The following SOX6 variants were observed in gnomAD, a reference collection of about 807,000 sequenced individuals.
SOX6 encodes SRY-box transcription factor 6.
In SOX6, 11 loss-of-function variants were observed where a neutral mutation model predicts 97.8. The ratio of observed to expected loss-of-function variants is 0.11; its 90% CI spans 0.07 to 0.19. SOX6 has a LOEUF of 0.19. Ranked by LOEUF, SOX6 falls within the 10% of genes least tolerant of loss-of-function variation. The probability of loss-of-function intolerance (pLI) is 1.00; values close to 1 mark genes in which losing one functional copy is unlikely to be tolerated. For missense variants in SOX6, 810 were observed against 1,039.5 expected (o/e 0.78, Z 3.04); for synonymous variants, 360 against 371.4 (o/e 0.97, Z 0.35).
At chr11:16,484,098 T>C (rs1476927055) in intron 4 of SOX6, 3 of 769,920 alleles carry the variant, frequency 3.9e-6, no homozygotes, top group Non-Finnish European at 7.2e-6. Context: ...TTCTCCTGAA[T>C]GAGGTACAGG....
intron 2 of SOX6, among the ~76,000 whole-genome samples, chr11:16,327,347 CT>C (rs1196612069): frequency 2.6e-5 from 4 of 152,018 alleles, no homozygotes. Context: ...TCCAATTGCC[CT>C]TTTTTTCTAT....
chr11:16,374,438 T>A (rs1590168373), intron 1 of SOX6, among the ~76,000 whole-genome samples: 1 of 152,214 alleles, frequency 6.6e-6, no homozygotes, highest in East Asian at 1.9e-4. Context: ...GATAAAATGA[T>A]GGCAATGTAT....
intron 1 of SOX6, among the ~76,000 whole-genome samples, chr11:16,429,075 A>T (rs1473373154): frequency 6.6e-6 from 1 of 152,188 alleles, no homozygotes; most frequent in Non-Finnish European, 1.5e-5. Flanking sequence ...ATATAAAAAA[A>T]GTTCAACGTC....
chr11:16,201,854 C>T (rs1293168032), intron 4 of SOX6, among the ~76,000 whole-genome samples: 5 of 135,224 alleles, frequency 3.7e-5, no homozygotes, highest in South Asian at 2.3e-4. Flanking sequence ...GGGATGGTCT[C>T]GATCTCCTGA....
intron 4 of SOX6, among the ~76,000 whole-genome samples, chr11:16,533,625 G>C (rs1861266488): frequency 6.6e-6 from 1 of 151,954 alleles, no homozygotes; most frequent in African/African-American, 2.4e-5. Context: ...TTTGTCTTCT[G>C]AAAAAGAGTA....
chr11:16,596,917 T>C (rs891574592), intron 4 of SOX6, among the ~76,000 whole-genome samples: 16 of 152,262 alleles, frequency 1.1e-4, no homozygotes, highest in African/African-American at 3.8e-4. Flanking sequence ...AATGCAGCAA[T>C]AATTTGGCTC....
chr11:16,405,006 C>T lies in SOX6; in HGVS notation c.-4-63754G>A, dbSNP rs559654627. Among the ~76,000 whole-genome samples the T allele has an allele frequency of 7.9e-5, 12 of 152,056 alleles. 1 individual carries two copies. In the South Asian group the frequency reaches 1.9e-3, roughly 24 times the overall value. ...TAAAACAGACACTGACAGAAGGACA[C>T]GGATTAGTACTGTAATGATGCATTT... is the stretch of plus-strand genomic sequence containing the variant. On this transcript the variant is annotated intron_variant, in intron 1 of 15. Transcript: ENST00000396356.
At chr11:16,318,165 T>C in intron 3 of SOX6, 1 of 451,612 alleles carries the variant, frequency 2.2e-6, no homozygotes, top group South Asian at 2.3e-5. Context: ...AATTCTCTTG[T>C]TACCTTTTTC....
chr11:16,677,237 C>T (rs1021881425), intron 3 of SOX6, among the ~76,000 whole-genome samples: 3 of 152,048 alleles, frequency 2.0e-5, no homozygotes, highest in Non-Finnish European at 2.9e-5. Context: ...CCATGCTGCT[C>T]CCACTTGTAC....
intron 4 of SOX6, among the ~76,000 whole-genome samples, chr11:16,508,345 C>T (rs1860822669): frequency 6.6e-6 from 1 of 152,080 alleles, no homozygotes; most frequent in African/African-American, 2.4e-5. Context: ...AGCAATCCAG[C>T]TACTAGGTAT....
At chr11:16,543,531 T>C (rs955510489) in intron 4 of SOX6, among the ~76,000 whole-genome samples, 7 of 151,680 alleles carry the variant, frequency 4.6e-5, no homozygotes, top group Non-Finnish European at 8.8e-5. Context: ...CTGAAGAAAA[T>C]ATTTGCAAAT....
chr11:16,566,095 CAAAAAA>C (rs67916329), intron 4 of SOX6, among the ~76,000 whole-genome samples: 2 of 98,814 alleles, frequency 2.0e-5, no homozygotes, highest in Non-Finnish European at 2.2e-5. Context: ...GACTCCGTCT[CAAAAAA>C]AAAAAAAAAA....
chr11:16,546,189 G>T (rs1303344312), intron 4 of SOX6, among the ~76,000 whole-genome samples: 5 of 152,006 alleles, frequency 3.3e-5, no homozygotes, highest in African/African-American at 9.7e-5. Flanking sequence ...GCTGATGAAA[G>T]AAATTGAAAA....
chr11:15,986,569 T>C, intron 14 of SOX6, 149 bp from the exon 15 acceptor site: 1 of 726,874 alleles, frequency 1.4e-6, no homozygotes, highest in East Asian at 2.7e-5. Flanking sequence ...AACTATACTT[T>C]TAGTCTATAA....
intron 3 of SOX6, among the ~76,000 whole-genome samples, chr11:16,704,004 T>C (rs905817246): frequency 6.6e-6 from 1 of 152,186 alleles, no homozygotes; most frequent in African/African-American, 2.4e-5. Context: ...AAAGTCACTG[T>C]CAATCAAACT....
At chr11:16,271,740 T>C (rs1854266972) in intron 3 of SOX6, among the ~76,000 whole-genome samples, 2 of 151,530 alleles carry the variant, frequency 1.3e-5, no homozygotes, top group South Asian at 4.1e-4. Flanking sequence ...CGTGTTTATG[T>C]TTTTGTTTTC....
At chr11:16,536,289 T>C (rs1268862677) in intron 4 of SOX6, among the ~76,000 whole-genome samples, 3 of 152,218 alleles carry the variant, frequency 2.0e-5, no homozygotes, top group Non-Finnish European at 2.9e-5. Flanking sequence ...AGTATGATGG[T>C]TATTTGATGT....
At chr11:16,062,297 C>A (rs370079576) in intron 9 of SOX6, among the ~76,000 whole-genome samples, 26 of 151,536 alleles carry the variant, frequency 1.7e-4, no homozygotes, top group East Asian at 1.4e-3. Context: ...TTATTCTAAC[C>A]AAATAGCTTT....
chr11:16,157,752 G>A (rs1324733254), intron 6 of SOX6, among the ~76,000 whole-genome samples: 1 of 151,956 alleles, frequency 6.6e-6, no homozygotes, highest in Non-Finnish European at 1.5e-5. Flanking sequence ...GCCTTACTGA[G>A]AAATGAATTT....
Sources: allele counts gnomAD v4.1 joint callset (sites outside exome capture counted in the v4.1 genomes callset), GRCh38; gene constraint gnomAD v4.1.1; transcripts MANE v1.5; gene names NCBI Gene and HGNC (gene_info 2026-07-23, HGNC 2026-07-21).